The following DAB1 variants were observed in gnomAD, a reference collection of about 807,000 sequenced individuals.
DAB1 encodes the protein disabled homolog 1.
Under a neutral mutation model 64.6 loss-of-function variants are expected in DAB1, and 15 were observed. The ratio of observed to expected loss-of-function variants is 0.23; its 90% confidence interval spans 0.16 to 0.36. The LOEUF (loss-of-function observed/expected upper bound fraction) is 0.36, where lower values mean the gene tolerates loss of function less well. Ranked by LOEUF, DAB1 falls within the 10% of genes least tolerant of loss-of-function variation. The pLI is 1.00. For synonymous variants in DAB1, 235 were observed against 251.9 expected (o/e 0.93, Z 0.64); for missense variants, 596 against 706.7 (o/e 0.84, Z 1.78).
intron 6 of DAB1, among the ~76,000 whole-genome samples, chr1:57,654,508 T>A (rs759661444): frequency 1.3e-5 from 2 of 152,250 alleles, no homozygotes; most frequent in Non-Finnish European, 2.9e-5. Flanking sequence ...GTTATAATTA[T>A]GTTCTATACT....
chr1:57,911,106 C>A (rs1202804), intron 5 of DAB1, among the ~76,000 whole-genome samples: 30,015 of 152,146 alleles, frequency 0.2, 3,369 homozygotes, highest in Admixed American at 0.27. Context: ...TAGGTTTATG[C>A]ACAAAGACAT....
At chr1:57,647,464 C>A (rs928840529) in intron 7 of DAB1, among the ~76,000 whole-genome samples, 5 of 152,076 alleles carry the variant, frequency 3.3e-5, no homozygotes, top group Non-Finnish European at 5.9e-5. Context: ...TTTTCTTTTT[C>A]CCCAAACCAT....
At chr1:57,494,428 A>C (rs2101289783) in intron 7 of DAB1, among the ~76,000 whole-genome samples, 1 of 152,300 alleles carries the variant, frequency 6.6e-6, no homozygotes, top group East Asian at 1.9e-4. Context: ...CAGCTACATA[A>C]TCACATTAAC....
At chr1:57,439,418 G>GTTTTTTGTTTTTTTTTTTTTTTTTT in intron 7 of DAB1, among the ~76,000 whole-genome samples, 1 of 116,140 alleles carries the variant, frequency 8.6e-6, no homozygotes, top group Non-Finnish European at 1.7e-5. Flanking sequence ...TGGTGATGAG[G>GTTTTTTGTTTTTTTTTTTTTTTTTT]TTTTTTCTTT....
chr1:58,333,790 A>C (rs762435920), intron 4 of DAB1, among the ~76,000 whole-genome samples: 15 of 152,248 alleles, frequency 9.9e-5, no homozygotes, highest in Non-Finnish European at 1.8e-4. Flanking sequence ...AATGCATAAA[A>C]GAATGCATAA....
intron 5 of DAB1, among the ~76,000 whole-genome samples, chr1:58,085,335 T>C (rs1650237498): frequency 6.6e-6 from 1 of 152,174 alleles, no homozygotes; most frequent in Admixed American, 6.5e-5. Context: ...CTTGATATTT[T>C]TATTTCTCTT....
intron 3 of DAB1, among the ~76,000 whole-genome samples, chr1:58,440,755 T>C (rs1395619847): frequency 6.6e-6 from 1 of 152,252 alleles, no homozygotes; most frequent in Non-Finnish European, 1.5e-5. Flanking sequence ...AGAACTATTA[T>C]TATCATAGTT....
intron 1 of DAB1, among the ~76,000 whole-genome samples, chr1:57,343,668 C>T (rs536351736): frequency 1.3e-5 from 2 of 152,258 alleles, no homozygotes; most frequent in East Asian, 3.9e-4. Flanking sequence ...CCCCTCACTG[C>T]CTGGGGCCGG....
At chr1:57,676,784 GCT>G in intron 6 of DAB1, among the ~76,000 whole-genome samples, 1 of 152,030 alleles carries the variant, frequency 6.6e-6, no homozygotes, top group Non-Finnish European at 1.5e-5. Flanking sequence ...TATCTCCTCC[GCT>G]TGGAATGACT....
intron 5 of DAB1, among the ~76,000 whole-genome samples, chr1:57,940,185 T>G (rs1202775): frequency 0.57 from 87,140 of 152,084 alleles, 25,410 homozygotes; most frequent in African/African-American, 0.61. Context: ...CAGTGAGGGA[T>G]ACAGGTCCTC....
At chr1:57,891,974 C>T (rs533067701) in intron 5 of DAB1, among the ~76,000 whole-genome samples, 1 of 152,300 alleles carries the variant, frequency 6.6e-6, no homozygotes, top group African/African-American at 2.4e-5. Flanking sequence ...GCACAAGTAT[C>T]CCAGAACTTA....
intron 9 of DAB1, among the ~76,000 whole-genome samples, chr1:57,029,381 ACTC>A (rs1646895583): frequency 2.0e-5 from 3 of 152,046 alleles, no homozygotes; most frequent in Admixed American, 2.0e-4. Flanking sequence ...CCTCAGGAAA[ACTC>A]CTGCTAGGGC....
At chr1:57,025,922 A>AG in intron 10 of DAB1, 59 bp downstream of exon 10, 1 of 1,374,920 alleles carries the variant, frequency 7.3e-7, no homozygotes, top group Non-Finnish European at 9.9e-7. Context: ...CTGGCCACTG[A>AG]GGGGATGTGT....
chr1:57,662,520 A>G (rs180998015), intron 6 of DAB1, among the ~76,000 whole-genome samples: 1 of 152,326 alleles, frequency 6.6e-6, no homozygotes, highest in Non-Finnish European at 1.5e-5. Context: ...TCACTCGTTC[A>G]TTTGGTGCCT....
intron 5 of DAB1, among the ~76,000 whole-genome samples, chr1:58,025,534 C>T (rs957912175): frequency 6.7e-6 from 1 of 148,884 alleles, no homozygotes; most frequent in Non-Finnish European, 1.5e-5. Flanking sequence ...TGTAGATGAG[C>T]TATAAATATA....
intron 7 of DAB1, among the ~76,000 whole-genome samples, chr1:57,539,058 C>G (rs1006680602): frequency 3.9e-5 from 6 of 152,194 alleles, no homozygotes; most frequent in African/African-American, 1.4e-4. Context: ...TACGTTGCTC[C>G]CTCAGCTCTC....
chr1:57,010,323 C>G (rs1478774784), intron 14 of DAB1, among the ~76,000 whole-genome samples: 1 of 152,110 alleles, frequency 6.6e-6, no homozygotes, highest in Non-Finnish European at 1.5e-5. Flanking sequence ...CTATCACCAC[C>G]AACCACGCAG....
intron 5 of DAB1, among the ~76,000 whole-genome samples, chr1:57,989,910 C>T (rs1285219982): frequency 6.6e-6 from 1 of 152,126 alleles, no homozygotes; most frequent in Non-Finnish European, 1.5e-5. Context: ...TTTTTACACC[C>T]ACCTCCTTTC....
At chr1:58,473,273 T>A (rs1645381592) in intron 3 of DAB1, among the ~76,000 whole-genome samples, 1 of 152,144 alleles carries the variant, frequency 6.6e-6, no homozygotes. Flanking sequence ...CCGGGCGCGG[T>A]GGCTCACGCC....
Sources: allele counts gnomAD v4.1 joint callset (sites outside exome capture counted in the v4.1 genomes callset), GRCh38; gene constraint gnomAD v4.1.1; transcripts MANE v1.5; gene names NCBI Gene and HGNC (gene_info 2026-07-23, HGNC 2026-07-21).